Variants in CBLB observed in about 807,000 individuals in gnomAD.
CBLB encodes the protein Cbl proto-oncogene B, also known as E3 ubiquitin-protein ligase CBL-B.
Under a neutral mutation model 104.9 loss-of-function variants are expected in CBLB, and 31 were observed. The ratio of observed to expected loss-of-function variants is 0.30; its 90% CI spans 0.22 to 0.40. The LOEUF (loss-of-function observed/expected upper bound fraction) is 0.40, where lower values mean the gene tolerates loss of function less well. Ranked by LOEUF, CBLB falls within the 10% of genes least tolerant of loss-of-function variation. The pLI is 1.00. For synonymous variants in CBLB, 440 were observed against 422.6 expected, an observed-to-expected ratio of 1.04 and a Z score of -0.51; for missense variants, 1,062 against 1,214.6, an observed-to-expected ratio of 0.87 and a Z score of 1.87.
At chr3:105,690,694 C>T (rs551872020) in intron 13 of CBLB, among the ~76,000 whole-genome samples, 3 of 151,972 alleles carry the variant, frequency 2.0e-5, no homozygotes, top group African/African-American at 7.2e-5. Context: ...TAGTGGCGGA[C>T]GACTATAGTC....
At chr3:105,861,444 A>C (rs576854874) in intron 2 of CBLB, among the ~76,000 whole-genome samples, 1 of 152,208 alleles carries the variant, frequency 6.6e-6, no homozygotes, top group Admixed American at 6.5e-5. Flanking sequence ...AAATTCCCTC[A>C]AAACTTCTCT....
At chr3:105,726,009 G>A (rs980011419) in intron 9 of CBLB, among the ~76,000 whole-genome samples, 6 of 151,906 alleles carry the variant, frequency 3.9e-5, no homozygotes, top group Non-Finnish European at 5.9e-5. Context: ...CCGCCACCAC[G>A]CCCAGTTATT....
Position 105,670,439 on chromosome 3 carries a change from T to C in CBLB, c.2570-87A>G. 16 of 1,065,204 alleles carry C rather than the reference T, an allele frequency of 1.5e-5. 1 individual carries two copies. The South Asian group carries it at 2.3e-4, about 15-fold the overall frequency. 66.0% of individuals were successfully genotyped at this position (1,065,204 alleles called of 1,614,324 possible). A position where few individuals can be genotyped will look rare whatever the true frequency, so the allele number is the denominator to read the frequency against. ...AAATTCTAGAATTATTTTATGAAGATTATGGCTTTCAAAAATAAATTAGAA... is the reference window on the plus strand; with the variant it reads ...AAATTCTAGAATTATTTTATGAAGACTATGGCTTTCAAAAATAAATTAGAA... On this transcript the variant is annotated intron_variant, in intron 17 of 18. Coordinates refer to ENST00000394030, the MANE Select transcript of CBLB (RefSeq NM_170662.5).
In CBLB at chr3:105,745,719, A is replaced by C. The variant is rs534617248; in HGVS notation, c.845+198T>G. On this transcript the variant is annotated intron_variant, in intron 6 of 18. Coordinates refer to ENST00000394030, the MANE Select transcript of CBLB (RefSeq NM_170662.5). ...AGGAGACCATATCCCCTTTCACTTT[A>C]TGAATACCAAGTTTCAGAGTAAGCA... 5.3e-3 allele frequency among the ~76,000 whole-genome samples: 809 copies of C among 152,320 alleles called. 9 individuals are homozygous for C. The highest frequency in any genetic ancestry group is 0.018 in the African/African-American group (768 of 41,578).
At chr3:105,689,489 C>T (rs2067403387) in intron 13 of CBLB, among the ~76,000 whole-genome samples, 1 of 150,050 alleles carries the variant, frequency 6.7e-6, no homozygotes, top group South Asian at 2.1e-4. Flanking sequence ...AAAGACAAGG[C>T]ACACACACAA....
At chr3:105,670,584 A>G (rs1191120730) in intron 17 of CBLB, 1 of 482,948 alleles carries the variant, frequency 2.1e-6, no homozygotes, top group Non-Finnish European at 3.7e-6. Context: ...TACTTGTTTT[A>G]TATTTATATT....
chr3:105,724,622 G>A (rs2073344311), intron 9 of CBLB, among the ~76,000 whole-genome samples: 1 of 151,972 alleles, frequency 6.6e-6, no homozygotes, highest in African/African-American at 2.4e-5. Flanking sequence ...GAAAACTAAG[G>A]AAACATATCT....
intron 5 of CBLB, chr3:105,749,734 T>A: frequency 3.1e-6 from 1 of 318,096 alleles, no homozygotes; most frequent in South Asian, 2.5e-5. Context: ...TCATGTTAAA[T>A]AAATAAGATA....
chr3:105,685,092 G>C (rs1303474183), intron 14 of CBLB, among the ~76,000 whole-genome samples: 1 of 152,160 alleles, frequency 6.6e-6, no homozygotes, highest in African/African-American at 2.4e-5. Context: ...TTCTTCATGA[G>C]ATAGGTGTTT....
In CBLB at chr3:105,699,075, T is replaced by G. The variant is rs1576428658; in HGVS notation, c.1959+3019A>C. Reference sequence around the variant, plus strand: ...TTGTCTCCACCACTGGCTTTAGTGTTAGATTACTAGCACCAAGTAAGTATT... The same window carrying G: ...TTGTCTCCACCACTGGCTTTAGTGTGAGATTACTAGCACCAAGTAAGTATT... On this transcript the variant is annotated intron_variant, in intron 12 of 18. Coordinates refer to ENST00000394030, the MANE Select transcript of CBLB (RefSeq NM_170662.5). Among the ~76,000 whole-genome samples, 4 of 152,254 alleles carry G rather than the reference T, an allele frequency of 2.6e-5. No homozygotes were observed. The East Asian group carries it at 7.7e-4, about 29-fold the overall frequency.
Position 105,730,924 on chromosome 3 carries a change from C to A in CBLB, c.1203+3085G>T, listed in dbSNP as rs2074250107. Among the ~76,000 whole-genome samples the A allele has an allele frequency of 2.6e-5, 4 of 152,102 alleles. No individual in the cohort carries two copies. The South Asian group carries it at 8.3e-4, about 31-fold the overall frequency. On this transcript the variant is annotated intron_variant, in intron 9 of 18. Transcript: ENST00000394030. ...TTTTAGCTAAACACAATTTTCAGAG[C>A]TTGACAATTATGTACTTCCTCAATT...
chr3:105,725,668 C>A (rs2073509127), intron 9 of CBLB, among the ~76,000 whole-genome samples: 1 of 152,172 alleles, frequency 6.6e-6, no homozygotes, highest in African/African-American at 2.4e-5. Flanking sequence ...AACATTTAAT[C>A]ACTCATTTAC....
At chr3:105,668,925 T>C (rs1168010831) in intron 18 of CBLB, among the ~76,000 whole-genome samples, 5 of 152,200 alleles carry the variant, frequency 3.3e-5, no homozygotes, top group Admixed American at 6.5e-5. Context: ...TAAAAAAATT[T>C]TGAAATAAGA....
chr3:105,659,253 T>C, intron 18 of CBLB, 24 bp from the exon 19 acceptor site: 4 of 1,607,294 alleles, frequency 2.5e-6, no homozygotes, highest in Non-Finnish European at 3.4e-6. Flanking sequence ...TAAAGAGAGA[T>C]ACTATTTAAA....
At chr3:105,844,886 T>C (rs1470727515) in intron 3 of CBLB, among the ~76,000 whole-genome samples, 2 of 152,182 alleles carry the variant, frequency 1.3e-5, no homozygotes, top group Non-Finnish European at 2.9e-5. Flanking sequence ...CAAACTTTAA[T>C]TTAGTTTTGT....
intron 10 of CBLB, among the ~76,000 whole-genome samples, chr3:105,706,611 A>G (rs115280746): frequency 3.0e-4 from 45 of 152,306 alleles, no homozygotes; most frequent in African/African-American, 9.6e-4. Context: ...ACTGTAGATC[A>G]GCAATTGTCA....
intron 17 of CBLB, chr3:105,671,966 G>A (rs899771549): frequency 3.6e-5 from 7 of 191,832 alleles, no homozygotes; most frequent in African/African-American, 1.6e-4. Flanking sequence ...GAAACCAAAG[G>A]AAACAAATAT....
chr3:105,665,625 A>G (rs550713028), intron 18 of CBLB, among the ~76,000 whole-genome samples: 1 of 147,854 alleles, frequency 6.8e-6, no homozygotes, highest in East Asian at 1.9e-4. Flanking sequence ...GTATAATTAT[A>G]AACAGATAAT....
intron 3 of CBLB, among the ~76,000 whole-genome samples, chr3:105,807,794 C>T (rs2083711293): frequency 6.6e-6 from 1 of 152,100 alleles, no homozygotes; most frequent in African/African-American, 2.4e-5. Flanking sequence ...TATATATCAG[C>T]ATAGAGCTGG....
Sources: allele counts gnomAD v4.1 joint callset (sites outside exome capture counted in the v4.1 genomes callset), GRCh38; gene constraint gnomAD v4.1.1; transcripts MANE v1.5; gene names NCBI Gene and HGNC (gene_info 2026-07-23, HGNC 2026-07-21).